Variants in TMC1 observed in about 807,000 individuals in gnomAD.
TMC1 encodes transmembrane channel like 1, also known as transmembrane channel-like protein 1.
Under a neutral mutation model 105.8 loss-of-function variants are expected in TMC1, and 84 were observed. The ratio of observed to expected loss-of-function variants is 0.79; its 90% CI spans 0.67 to 0.95. The LOEUF (loss-of-function observed/expected upper bound fraction) is 0.95. TMC1 is among the 40% of genes least tolerant of loss of function. TMC1 has a pLI of 0.00. For missense variants in TMC1, 817 were observed against 914.1 expected, an observed-to-expected ratio of 0.89 and a Z score of 1.37; for synonymous variants, 315 against 311.5, an observed-to-expected ratio of 1.01 and a Z score of -0.12.
intron 4 of TMC1, among the ~76,000 whole-genome samples, chr9:72,636,117 G>A (rs1190090147): frequency 3.3e-5 from 5 of 152,082 alleles, no homozygotes; most frequent in Non-Finnish European, 1.5e-5. Context: ...ACTTCTACCC[G>A]GGTGGGTAGG....
Position 72,702,943 on chromosome 9 carries a change from C to T in TMC1, c.362+2300C>T, listed in dbSNP as rs1826669075. On this transcript the variant is annotated intron_variant, in intron 8 of 23. Transcript: ENST00000297784. ...CCCTTAGTACGAAAGCAGACACTGA[C>T]AATAAGGAGACCGCACCTGACTCTA... Among the ~76,000 whole-genome samples, 7 of 151,954 alleles carry T rather than the reference C, an allele frequency of 4.6e-5. No homozygotes were observed. In the South Asian group the frequency reaches 1.5e-3, roughly 32 times the overall value.
At chr9:72,688,404 T>A (rs1826410850) in intron 5 of TMC1, among the ~76,000 whole-genome samples, 1 of 152,106 alleles carries the variant, frequency 6.6e-6, no homozygotes, top group Non-Finnish European at 1.5e-5. Context: ...CTTATTGCAA[T>A]ACAGAATTTA....
chr9:72,814,640 T>C (rs551983479), intron 18 of TMC1, among the ~76,000 whole-genome samples: 1 of 152,324 alleles, frequency 6.6e-6, no homozygotes, highest in African/African-American at 2.4e-5. Flanking sequence ...ATTCCTGTTA[T>C]GCCATACTTG....
At position 72,836,779 on chromosome 9, in the gene TMC1, A is replaced by G. The variant is rs972563788; in HGVS notation, c.*806A>G. On this transcript the variant is annotated 3_prime_UTR_variant, in exon 24 of 24. Coordinates refer to ENST00000297784, the MANE Select transcript of TMC1 (RefSeq NM_138691.3). ...TTTGTCTTCCAATGATCATGTTATC[A>G]GTGGTGAATCCATACAGGTCTGCAT... The G allele has an allele frequency of 2.0e-4, 30 of 152,254 alleles. No individual in the cohort carries two copies. Among genetic ancestry groups the G allele is most frequent in the African/African-American group, 7.0e-4 (29 of 41,548 alleles). 9.4% of individuals were successfully genotyped at this position (152,254 alleles called of 1,614,324 possible).
chr9:72,706,982 C>T (rs1025635101), intron 8 of TMC1, among the ~76,000 whole-genome samples: 33 of 152,128 alleles, frequency 2.2e-4, no homozygotes, highest in African/African-American at 7.2e-4. Flanking sequence ...GCCATGTTGG[C>T]CAGGCTGGTC....
intron 2 of TMC1, among the ~76,000 whole-genome samples, chr9:72,584,938 C>T (rs1824531372): frequency 6.6e-6 from 1 of 151,146 alleles, no homozygotes; most frequent in Non-Finnish European, 1.5e-5. Context: ...GCGTGCACTA[C>T]CACGCCTGGC....
rs375919123 is a variant in TMC1 at position 72,772,432 on chromosome 9, T to C, written c.761T>C (p.Val254Ala). ...TTTCAGGGTTTGGCACAATATTCCG[T>C]TCTCTTTTATGGCTATTATGACAAT... ...YDFNGLAQYSVLFYGYYDNKR... is the reference protein window; with the variant it reads ...YDFNGLAQYSALFYGYYDNKR... Residue 254 changes from valine to alanine, a missense_variant, in exon 13 of 24, where the codon GTT becomes GCT. Coordinates refer to ENST00000297784, the MANE Select transcript of TMC1 (RefSeq NM_138691.3). 2 of 1,613,826 alleles carry C rather than the reference T, an allele frequency of 1.2e-6. No individual in the cohort carries two copies. The highest frequency in any genetic ancestry group is 1.7e-6 in the Non-Finnish European group (2 of 1,179,834).
Position 72,648,699 on chromosome 9 carries a change from A to G in TMC1, c.16+35A>G, listed in dbSNP as rs774752257. 1.1e-5 allele frequency: 17 copies of G among 1,583,512 alleles called. No individual in the cohort carries two copies. In the African/African-American group the frequency reaches 1.6e-4, roughly 15 times the overall value. On this transcript the variant is annotated intron_variant, in intron 5 of 23. Transcript: ENST00000297784. ...AAATCAAGACTGTCTGTAGGACACT[A>G]TGTCTTTCTGAGAGGTATAAAGGTA...
chr9:72,781,807 G>T (rs925456208), intron 13 of TMC1, among the ~76,000 whole-genome samples: 1 of 152,084 alleles, frequency 6.6e-6, no homozygotes, highest in Non-Finnish European at 1.5e-5. Context: ...TTCTAGAATT[G>T]AATCAGTAAT....
chr9:72,803,016 T>C (rs971320732), intron 17 of TMC1, among the ~76,000 whole-genome samples: 2 of 152,154 alleles, frequency 1.3e-5, no homozygotes, highest in Non-Finnish European at 2.9e-5. Context: ...AACAGCATAG[T>C]ACTGGTGCAA....
At chr9:72,717,270 C>G (rs1278166614) in intron 8 of TMC1, among the ~76,000 whole-genome samples, 2 of 152,170 alleles carry the variant, frequency 1.3e-5, no homozygotes, top group Non-Finnish European at 2.9e-5. Flanking sequence ...TTAAGTGGAG[C>G]ATTTAGGCCA....
At chr9:72,628,706 C>A (rs752279725) in intron 4 of TMC1, among the ~76,000 whole-genome samples, 2 of 152,144 alleles carry the variant, frequency 1.3e-5, no homozygotes, top group Non-Finnish European at 2.9e-5. Flanking sequence ...CTAAATACTT[C>A]AAGCAAAATT....
chr9:72,538,290 CTT>C (rs1823617682), intron 1 of TMC1, among the ~76,000 whole-genome samples: 1 of 152,026 alleles, frequency 6.6e-6, no homozygotes, highest in Non-Finnish European at 1.5e-5. Flanking sequence ...CTGGAAAAAA[CTT>C]GGTAAGGGAG....
At chr9:72,694,781 T>C in intron 7 of TMC1, 67 bp downstream of exon 7, 1 of 1,514,598 alleles carries the variant, frequency 6.6e-7, no homozygotes, top group African/African-American at 1.4e-5. Flanking sequence ...TCAGATACTC[T>C]TTGACCTTAA....
intron 12 of TMC1, among the ~76,000 whole-genome samples, chr9:72,766,942 G>A (rs1221094206): frequency 1.3e-5 from 2 of 152,230 alleles, no homozygotes; most frequent in African/African-American, 4.8e-5. Context: ...ATGCGCTGCT[G>A]TCAGCATGCA....
chr9:72,586,832 G>GT (rs1387690452), intron 2 of TMC1, among the ~76,000 whole-genome samples: 5 of 152,226 alleles, frequency 3.3e-5, no homozygotes, highest in Non-Finnish European at 5.9e-5. Flanking sequence ...GTAACTAAGT[G>GT]TAATTCAATG....
chr9:72,805,091 A>C (rs1334395089), intron 17 of TMC1, among the ~76,000 whole-genome samples: 4 of 152,192 alleles, frequency 2.6e-5, no homozygotes, highest in Admixed American at 2.0e-4. Flanking sequence ...TAAAATTTTA[A>C]ACTGCTGTGT....
At chr9:72,695,824 T>C (rs1430709465) in intron 7 of TMC1, among the ~76,000 whole-genome samples, 1 of 152,182 alleles carries the variant, frequency 6.6e-6, no homozygotes, top group Non-Finnish European at 1.5e-5. Flanking sequence ...AGCTTTTCCT[T>C]TCTCCCTTTT....
intron 8 of TMC1, among the ~76,000 whole-genome samples, chr9:72,703,795 C>T (rs146920318): frequency 1.8e-4 from 27 of 152,320 alleles, no homozygotes; most frequent in African/African-American, 6.5e-4. Flanking sequence ...GCAAGGCTCA[C>T]AGTCTGGTGA....
Sources: gnomAD v4.1 joint callset for allele counts (sites outside exome capture counted in the v4.1 genomes callset) on GRCh38, gnomAD v4.1.1 for gene constraint, MANE v1.5 for transcripts, NCBI Gene and HGNC (gene_info 2026-07-23, HGNC 2026-07-21) for gene names.